TLL2: variants seen among roughly 807,000 people sequenced by gnomAD.
TLL2 encodes tolloid like 2, also known as tolloid-like protein 2.
TLL2 carries 106 observed loss-of-function variants against 123.0 expected under a neutral mutation model. That is an observed-to-expected ratio of 0.86 (90% CI 0.74 to 1.01). The LOEUF is 1.01. Among genes scored for constraint, TLL2 ranks in the 50% least tolerant of loss-of-function variants. The pLI, the probability that TLL2 is intolerant of heterozygous loss-of-function variation, is 0.00. For missense variants in TLL2, 1,332 were observed against 1,336.7 expected, an observed-to-expected ratio of 1.00 and a Z score of 0.06; for synonymous variants, 494 against 516.8, an observed-to-expected ratio of 0.96 and a Z score of 0.60.
chr10:96,473,084 G>A (rs1383380374), intron 2 of TLL2, among the ~76,000 whole-genome samples: 1 of 152,138 alleles, frequency 6.6e-6, no homozygotes, highest in East Asian at 1.9e-4. Flanking sequence ...GAGACCAGGT[G>A]AGAGTAATGT....
chr10:96,440,215 A>AC (rs1384128116), intron 3 of TLL2, among the ~76,000 whole-genome samples: 2 of 152,254 alleles, frequency 1.3e-5, no homozygotes, highest in African/African-American at 4.8e-5. Context: ...TTTTTCTGGT[A>AC]GACTGGAAGC....
Position 96,370,210 on chromosome 10 carries a change from A to G in TLL2, c.2768T>C (p.Ile923Thr), listed in dbSNP as rs781682743. The part of the protein sequence containing the change: ...YPSEARCDWV[I>T]VAEDGYGVEL... ...CACGCCGTAGCCGTCCTCTGCCACG[A>G]TCACCCAGTCACAGCGGGCCTCGCT... Residue 923 changes from isoleucine to threonine, a missense_variant, in exon 20 of 21, where the codon ATC becomes ACC. Transcript: ENST00000357947. 1.5e-5 allele frequency: 25 copies of G among 1,613,880 alleles called. No homozygotes were observed. The Admixed American group carries it at 3.7e-4, about 24-fold the overall frequency.
intron 1 of TLL2, 126 bp downstream of exon 1, chr10:96,513,385 G>T: frequency 8.3e-7 from 1 of 1,205,950 alleles, no homozygotes; most frequent in Non-Finnish European, 1.2e-6. Context: ...GTCTTCCGGG[G>T]GAGCCGGGGA....
intron 5 of TLL2, among the ~76,000 whole-genome samples, chr10:96,424,850 G>T (rs1846663750): frequency 6.6e-6 from 1 of 151,828 alleles, no homozygotes; most frequent in Non-Finnish European, 1.5e-5. Context: ...TGCTTAGAAA[G>T]GTCATCCATA....
At chr10:96,490,581 C>T (rs1589435502) in intron 1 of TLL2, among the ~76,000 whole-genome samples, 1 of 152,184 alleles carries the variant, frequency 6.6e-6, no homozygotes, top group African/African-American at 2.4e-5. Context: ...TGGCTTTGAA[C>T]CTTATACTAT....
intron 13 of TLL2, among the ~76,000 whole-genome samples, chr10:96,393,782 C>G (rs1203611840): frequency 6.7e-6 from 1 of 149,180 alleles, no homozygotes; most frequent in East Asian, 2.0e-4. Context: ...AGTTTTGTCT[C>G]CAATCCTTCA....
intron 2 of TLL2, among the ~76,000 whole-genome samples, chr10:96,447,138 G>A (rs1846903593): frequency 1.3e-5 from 2 of 151,812 alleles, no homozygotes; most frequent in African/African-American, 4.8e-5. Flanking sequence ...GTGGAGATCT[G>A]GCCAGAGGAT....
intron 1 of TLL2, among the ~76,000 whole-genome samples, chr10:96,492,485 A>G (rs970287240): frequency 2.6e-5 from 4 of 152,146 alleles, no homozygotes; most frequent in African/African-American, 9.7e-5. Flanking sequence ...TTAGCTGGGC[A>G]TGGTGGCGGG....
chr10:96,496,672 C>G (rs1847479029), intron 1 of TLL2, among the ~76,000 whole-genome samples: 1 of 152,192 alleles, frequency 6.6e-6, no homozygotes, highest in South Asian at 2.1e-4. Context: ...CTTGGCTTTC[C>G]CAGCAGGGCT....
chr10:96,503,141 G>A (rs1336399043), intron 1 of TLL2, among the ~76,000 whole-genome samples: 1 of 152,144 alleles, frequency 6.6e-6, no homozygotes, highest in African/African-American at 2.4e-5. Flanking sequence ...CAAGTGAGCT[G>A]TGGAGCAATA....
chr10:96,495,356 T>A (rs1847461061), intron 1 of TLL2, among the ~76,000 whole-genome samples: 1 of 152,184 alleles, frequency 6.6e-6, no homozygotes, highest in African/African-American at 2.4e-5. Flanking sequence ...TTTCTGTGAA[T>A]CTTTGTCAAG....
Position 96,428,684 on chromosome 10 carries a change from G to A in TLL2, c.585C>T (p.Phe195=). Residue 195 remains phenylalanine (F), a synonymous_variant, in exon 5 of 21, where the codon TTC becomes TTT. Coordinates refer to ENST00000357947, the MANE Select transcript of TLL2 (RefSeq NM_012465.4). ...AGCTTTCCTCATCCGTCCTTTCTAT[G>A]AAGGTCACACAGGTGTGCTTCTCCC... ...RHWEKHTCVT[F]IERTDEESFI... The A allele has an allele frequency of 6.2e-7, 1 of 1,614,064 alleles. No individual in the cohort carries two copies. Among genetic ancestry groups the A allele is most frequent in the Non-Finnish European group, 8.5e-7 (1 of 1,179,960 alleles).
intron 20 of TLL2, 72 bp downstream of exon 20, chr10:96,369,993 G>A: frequency 6.8e-7 from 1 of 1,481,248 alleles, no homozygotes; most frequent in Admixed American, 2.3e-5. Context: ...TGAAAGCCGG[G>A]CGTGTCTGAC....
chr10:96,365,326 C>T lies in TLL2; in HGVS notation c.*2762G>A. ...AGGGAATAGTGGATCAATGAACAGC[C>T]TCTCTTTCTCTGTTTGAAGAAATTC... is the stretch of plus-strand genomic sequence containing the variant. On this transcript the variant is annotated 3_prime_UTR_variant, in exon 21 of 21. Coordinates refer to ENST00000357947, the MANE Select transcript of TLL2 (RefSeq NM_012465.4). 6.6e-6 allele frequency: 1 copy of T among 152,218 alleles called. No homozygotes were observed. The highest frequency in any genetic ancestry group is 1.9e-4 in the East Asian group (1 of 5,202). The allele number at this position is 152,218 out of a possible 1,614,324, so 9.4% of individuals were successfully genotyped here.
chr10:96,460,073 A>G (rs1375235539), intron 2 of TLL2, among the ~76,000 whole-genome samples: 3 of 152,192 alleles, frequency 2.0e-5, no homozygotes, highest in Non-Finnish European at 2.9e-5. Flanking sequence ...AAAAGCCTTA[A>G]AAGTTTGTAT....
chr10:96,439,967 T>C (rs1373589020), intron 3 of TLL2, among the ~76,000 whole-genome samples: 3 of 152,216 alleles, frequency 2.0e-5, no homozygotes, highest in African/African-American at 7.2e-5. Flanking sequence ...CTTTAAAAAC[T>C]GAAAGATTTG....
chr10:96,414,925 A>G (rs1378085256), intron 7 of TLL2, among the ~76,000 whole-genome samples: 1 of 152,022 alleles, frequency 6.6e-6, no homozygotes, highest in Non-Finnish European at 1.5e-5. Flanking sequence ...GACCATTGCC[A>G]TAGCTCAAGT....
intron 7 of TLL2, among the ~76,000 whole-genome samples, chr10:96,420,345 A>G (rs11818167): frequency 0.015 from 2,232 of 152,356 alleles, 63 homozygotes; most frequent in African/African-American, 0.05. Context: ...ACATCAGAAC[A>G]GCTCATCAGA....
chr10:96,366,310 A>T lies in TLL2; in HGVS notation c.*1778T>A, dbSNP rs574370732. The stretch of plus-strand genomic sequence containing the variant: ...CTCAGTCCAGGGCCGAGAAAGGCCA[A>T]AACAGAGCTTGGTGAAAGGAGAGGC... On this transcript the variant is annotated 3_prime_UTR_variant, in exon 21 of 21. Transcript: ENST00000357947. The T allele has an allele frequency of 1.3e-5, 2 of 152,848 alleles. No homozygotes were observed. The highest frequency in any genetic ancestry group is 3.9e-4 in the East Asian group (2 of 5,194). The allele number at this position is 152,848 out of a possible 1,614,324, so 9.5% of individuals were successfully genotyped here.
Sources: allele counts gnomAD v4.1 joint callset (sites outside exome capture counted in the v4.1 genomes callset), GRCh38; gene constraint gnomAD v4.1.1; transcripts MANE v1.5; gene names NCBI Gene and HGNC (gene_info 2026-07-23, HGNC 2026-07-21).